FCHO1: variants seen among roughly 807,000 people sequenced by gnomAD.
The protein encoded by FCHO1 is FCH and mu domain containing endocytic adaptor 1.
FCHO1 carries 45 observed loss-of-function variants against 114.4 expected under a neutral mutation model. The ratio of observed to expected loss-of-function variants is 0.39; its 90% CI spans 0.31 to 0.50. The LOEUF (loss-of-function observed/expected upper bound fraction) is 0.50. FCHO1 is among the 20% of genes least tolerant of loss of function. The pLI is 0.77. For synonymous variants in FCHO1, 480 were observed against 488.9 expected (o/e 0.98, Z 0.24); for missense variants, 1,042 against 1,209.6 (o/e 0.86, Z 2.06).
intron 6 of FCHO1, among the ~76,000 whole-genome samples, chr19:17,766,126 G>A (rs574506322): frequency 6.6e-6 from 1 of 150,772 alleles, no homozygotes; most frequent in East Asian, 1.9e-4. Context: ...TCCTGACCTT[G>A]TGATCTGCCC....
At chr19:17,770,160 G>T (rs2091046746) in intron 7 of FCHO1, among the ~76,000 whole-genome samples, 1 of 152,132 alleles carries the variant, frequency 6.6e-6, no homozygotes, top group Non-Finnish European at 1.5e-5. Context: ...AATTATCTGG[G>T]TGTGATGGTG....
intron 27 of FCHO1, among the ~76,000 whole-genome samples, chr19:17,787,223 CAAAAAAAAAAAAAAAAAA>C (rs61302593): frequency 5.0e-5 from 2 of 39,826 alleles, no homozygotes; most frequent in Non-Finnish European, 9.6e-5. Context: ...GACTCTGTCT[CAAAAAAAAAAAAAAAAAA>C]AAAAAAAAAA....
chr19:17,765,034 A>C (rs1396309077), intron 6 of FCHO1, among the ~76,000 whole-genome samples: 2 of 150,916 alleles, frequency 1.3e-5, no homozygotes, highest in Non-Finnish European at 3.0e-5. Flanking sequence ...ACTGCACTCC[A>C]GCCTGGGCAA....
intron 18 of FCHO1, among the ~76,000 whole-genome samples, chr19:17,777,530 C>T (rs1599729544): frequency 1.9e-5 from 2 of 106,400 alleles, no homozygotes; most frequent in South Asian, 3.5e-4. Flanking sequence ...GAGGAAACTC[C>T]GTCTCAAAAA....
chr19:17,771,724 G>A lies in FCHO1; in HGVS notation c.595-733G>A, dbSNP rs187424597. On this transcript the variant is annotated intron_variant, in intron 9 of 28. Coordinates refer to ENST00000596536, the MANE Select transcript of FCHO1 (RefSeq NM_015122.3). The stretch of plus-strand genomic sequence containing the variant: ...ATTTAAAAAAACTGACAAGCTCAGG[G>A]AACTGTAAAGTTTTATTTTTGAGTT... Among the ~76,000 whole-genome samples, 5 of 152,266 alleles carry A rather than the reference G, an allele frequency of 3.3e-5. No homozygotes were observed. In the East Asian group the frequency reaches 7.7e-4, roughly 23 times the overall value.
Position 17,764,420 on chromosome 19 carries a change from C to T in FCHO1, c.165C>T (p.Ser55=). The change falls in exon 6 of 29, where the codon TCC becomes TCT. Residue 55 remains serine (S), a synonymous_variant. Coordinates refer to ENST00000596536, the MANE Select transcript of FCHO1 (RefSeq NM_015122.3). ...ACTCGAAGGCGATGGCGAAACTCTC[C>T]AAGCTGGCCAGCAACGGGACCCCCA... ...ETYSKAMAKL[S]KLASNGTPMG... 1.2e-6 allele frequency: 2 copies of T among 1,613,416 alleles called. No homozygotes were observed. Among genetic ancestry groups the T allele is most frequent in the African/African-American group, 1.3e-5 (1 of 75,030 alleles).
chr19:17,770,838 T>C lies in FCHO1; in HGVS notation c.536T>C (p.Val179Ala). ...GCGGCAGAGAGCCTGCGGCGCTCAG[T>C]GGAAAAATACAACTCAGCCCGAGCT... ...KKAAESLRRS[V>A]EKYNSARADF... The change falls in exon 9 of 29, where the codon GTG becomes GCG. Residue 179 changes from valine (V) to alanine (A), a missense_variant. This residue lies in a region of FCHO1 where 450 missense variants were observed against 564.1 expected (regional missense o/e 0.80). Transcript: ENST00000596536. The C allele has an allele frequency of 6.2e-7, 1 of 1,614,000 alleles. No individual in the cohort carries two copies. Among genetic ancestry groups the C allele is most frequent in the Non-Finnish European group, 8.5e-7 (1 of 1,180,000 alleles).
chr19:17,785,470 GC>G lies in FCHO1; in HGVS notation c.2426+548del, dbSNP rs925954104. Among the ~76,000 whole-genome samples the G allele has an allele frequency of 8.2e-4, 124 of 152,078 alleles. 1 individual carries two copies. Among genetic ancestry groups the G allele is most frequent in the African/African-American group, 2.7e-3 (114 of 41,492 alleles). The stretch of plus-strand genomic sequence containing the variant: ...ACTGCTGACCTCAGGTGATCCACCC[GC>G]CTCGGCCTCCCAAAGGACTGCGATT... On this transcript the variant is annotated intron_variant, in intron 26 of 28. Transcript: ENST00000596536.
At chr19:17,749,485 A>G (rs368393515), upstream of FCHO1, among the ~76,000 whole-genome samples, 3 of 152,180 alleles carry the variant, frequency 2.0e-5, no homozygotes, top group African/African-American at 7.2e-5. Flanking sequence ...GGAGTCTATC[A>G]AAGGCATTGC....
At chr19:17,761,144 C>T (rs188405258) in intron 4 of FCHO1, among the ~76,000 whole-genome samples, 1 of 152,272 alleles carries the variant, frequency 6.6e-6, no homozygotes, top group African/African-American at 2.4e-5. Context: ...ACAGCAGAAT[C>T]ATTTGTTTAT....
chr19:17,773,645 A>G (rs866092854), intron 11 of FCHO1, among the ~76,000 whole-genome samples: 2 of 151,916 alleles, frequency 1.3e-5, no homozygotes, highest in Admixed American at 6.6e-5. Context: ...CCATTCCCCG[A>G]CCCAACCCAA....
At chr19:17,788,250 C>CAA in intron 28 of FCHO1, 34 bp from the exon 29 acceptor site, 2 of 1,329,016 alleles carry the variant, frequency 1.5e-6, no homozygotes, top group South Asian at 1.2e-5. Context: ...ACCCCTCCTC[C>CAA]CCACCCCTCC....
In FCHO1 at chr19:17,783,146, C is replaced by A. The variant is rs2093574668; in HGVS notation, c.2067C>A (p.Phe689Leu). 1 of 1,614,194 alleles carries A rather than the reference C, an allele frequency of 6.2e-7. No homozygotes were observed. The highest frequency in any genetic ancestry group is 1.3e-5 in the African/African-American group (1 of 75,060). ...RLVHTTAIEH[F>L]QPNADLLFSD... ...TACACACAACCGCTATTGAGCACTT[C>A]CAGCCCAACGCCGATCTGCTGTTCA... Residue 689 changes from phenylalanine (F) to leucine (L), a missense_variant, in exon 24 of 29, where the codon TTC (phenylalanine) becomes TTA (leucine). By Grantham distance (22) the Phe-to-Leu change is conservative. Transcript: ENST00000596536.
Position 17,762,451 on chromosome 19 carries a change from G to A in FCHO1, c.28-311G>A, listed in dbSNP as rs568982133. On this transcript the variant is annotated intron_variant, in intron 4 of 28. Coordinates refer to ENST00000596536, the MANE Select transcript of FCHO1 (RefSeq NM_015122.3). Reference sequence around the variant, plus strand: ...AGGAGACTGAGACAGAAACGGCAGAGAGACTCAGAAAAACGGAGAGAAAGA... The same window carrying A: ...AGGAGACTGAGACAGAAACGGCAGAAAGACTCAGAAAAACGGAGAGAAAGA... 1.1e-4 allele frequency among the ~76,000 whole-genome samples: 17 copies of A among 152,218 alleles called. No individual in the cohort carries two copies. The South Asian group carries it at 1.9e-3, about 17-fold the overall frequency.
rs762689116 is a variant in FCHO1, at chr19:17,778,763, G to A, written c.1506G>A (p.Pro502=). 2 of 1,538,934 alleles carry A rather than the reference G, an allele frequency of 1.3e-6. No individual in the cohort carries two copies. The highest frequency in any genetic ancestry group is 1.2e-5 in the South Asian group (1 of 84,202). The change falls in exon 20 of 29, where the codon CCG becomes CCA. Residue 502 remains proline, a synonymous_variant. Coordinates refer to ENST00000596536, the MANE Select transcript of FCHO1 (RefSeq NM_015122.3). ...WVPRPGTPQS[P]PSCRAPPPEA... is the part of the protein sequence containing the mutation. ...CCCGCCCAGGCACCCCGCAGAGCCC[G>A]CCCAGCTGTAGGGCGCCACCCCCAG...
chr19:17,757,512 A>G (rs535975037), intron 4 of FCHO1, among the ~76,000 whole-genome samples: 53 of 152,304 alleles, frequency 3.5e-4, no homozygotes, highest in African/African-American at 1.2e-3. Flanking sequence ...CATTTGTCAC[A>G]CAAGGAAGGA....
chr19:17,781,912 T>A, intron 23 of FCHO1, 92 bp downstream of exon 23: 1 of 873,962 alleles, frequency 1.1e-6, no homozygotes. Context: ...TGGTCTGTCT[T>A]ATAGTGAAAG....
intron 11 of FCHO1, among the ~76,000 whole-genome samples, chr19:17,773,136 G>T (rs1282176554): frequency 6.6e-6 from 1 of 152,218 alleles, no homozygotes; most frequent in Non-Finnish European, 1.5e-5. Context: ...TTGAGCAAAA[G>T]AACAATTTGG....
intron 27 of FCHO1, among the ~76,000 whole-genome samples, chr19:17,787,036 C>T (rs2093960112): frequency 6.6e-6 from 1 of 151,640 alleles, no homozygotes; most frequent in Admixed American, 6.6e-5. Flanking sequence ...CCAACCTGGC[C>T]AGCATGGTGA....
Sources: gnomAD v4.1 joint callset for allele counts (sites outside exome capture counted in the v4.1 genomes callset) on GRCh38, gnomAD v4.1.1 for gene constraint, gnomAD v4.1.1 regional missense constraint, MANE v1.5 for transcripts, NCBI Gene and HGNC (gene_info 2026-07-23, HGNC 2026-07-21) for gene names.